The following PCDH7 variants were observed in gnomAD, a reference collection of about 807,000 sequenced individuals.
PCDH7 encodes protocadherin 7, also known as protocadherin-7.
Under a neutral mutation model 58.9 loss-of-function variants are expected in PCDH7, and 17 were observed. The ratio of observed to expected loss-of-function variants is 0.29; its 90% confidence interval spans 0.20 to 0.43. The LOEUF is 0.43. Ranked by LOEUF, PCDH7 falls within the 20% of genes least tolerant of loss-of-function variation. PCDH7 has a pLI of 1.00. For synonymous variants in PCDH7, 664 were observed against 616.4 expected (o/e 1.08, Z -1.14); for missense variants, 1,274 against 1,441.0 (o/e 0.88, Z 1.88).
chr4:30,970,456 G>C (rs185663714), intron 3 of PCDH7, among the ~76,000 whole-genome samples: 1 of 140,626 alleles, frequency 7.1e-6, no homozygotes, highest in African/African-American at 2.9e-5. Context: ...CACCACGCCT[G>C]GCTAATTTTT....
chr4:30,860,003 G>A (rs1733995262), intron 1 of PCDH7, among the ~76,000 whole-genome samples: 1 of 152,096 alleles, frequency 6.6e-6, no homozygotes, highest in East Asian at 1.9e-4. Context: ...TTTCATTGGT[G>A]GGGAAATTCC....
At chr4:30,874,020 G>T (rs1449207443) in intron 1 of PCDH7, among the ~76,000 whole-genome samples, 4 of 152,020 alleles carry the variant, frequency 2.6e-5, no homozygotes, top group Non-Finnish European at 5.9e-5. Flanking sequence ...AAATTGAATG[G>T]CAATCATTAA....
intron 1 of PCDH7, among the ~76,000 whole-genome samples, chr4:30,812,901 A>G (rs1456907490): frequency 6.6e-6 from 1 of 152,250 alleles, no homozygotes; most frequent in Non-Finnish European, 1.5e-5. Flanking sequence ...ACTGTCATAA[A>G]TATAATCAGG....
chr4:30,903,541 G>A (rs1452597518), intron 1 of PCDH7, among the ~76,000 whole-genome samples: 1 of 151,872 alleles, frequency 6.6e-6, no homozygotes, highest in Non-Finnish European at 1.5e-5. Context: ...CATTTATAGA[G>A]CACTCTACAG....
intron 1 of PCDH7, among the ~76,000 whole-genome samples, chr4:30,884,228 G>A (rs948459314): frequency 6.6e-6 from 1 of 152,072 alleles, no homozygotes; most frequent in Non-Finnish European, 1.5e-5. Flanking sequence ...CAGCATCTAT[G>A]TGTGGTAGGC....
intron 3 of PCDH7, among the ~76,000 whole-genome samples, chr4:30,975,941 G>A (rs980620100): frequency 2.0e-5 from 3 of 152,016 alleles, no homozygotes; most frequent in Non-Finnish European, 4.4e-5. Flanking sequence ...GTAAATCCTT[G>A]CCTGCTCAGG....
chr4:30,938,804 A>G (rs1745675440), intron 2 of PCDH7, among the ~76,000 whole-genome samples: 1 of 152,110 alleles, frequency 6.6e-6, no homozygotes, highest in South Asian at 2.1e-4. Flanking sequence ...TTATTACTCA[A>G]CATGCCAACC....
intron 3 of PCDH7, among the ~76,000 whole-genome samples, chr4:31,109,950 A>G (rs893330045): frequency 6.6e-6 from 1 of 152,176 alleles, no homozygotes; most frequent in Non-Finnish European, 1.5e-5. Context: ...TACAGCATAA[A>G]CTGGTGTGAA....
At chr4:31,097,393 G>A (rs2109294594) in intron 3 of PCDH7, among the ~76,000 whole-genome samples, 2 of 151,210 alleles carry the variant, frequency 1.3e-5, no homozygotes, top group East Asian at 3.9e-4. Context: ...GGTGGAGGTT[G>A]CAGTGAGCTG....
intron 3 of PCDH7, among the ~76,000 whole-genome samples, chr4:31,100,707 T>G (rs1714785135): frequency 6.6e-6 from 1 of 152,318 alleles, no homozygotes; most frequent in Middle Eastern, 3.4e-3. Flanking sequence ...CTCTTTAGGA[T>G]TTTTTCCATT....
intron 1 of PCDH7, among the ~76,000 whole-genome samples, chr4:30,858,235 T>A (rs35894739): frequency 0.067 from 10,209 of 152,216 alleles, 478 homozygotes; most frequent in East Asian, 0.14. Context: ...TGAAAAAGTC[T>A]CTTTTTTTTC....
chr4:30,886,087 A>T (rs1157538013), intron 1 of PCDH7, among the ~76,000 whole-genome samples: 1 of 151,818 alleles, frequency 6.6e-6, no homozygotes, highest in Non-Finnish European at 1.5e-5. Context: ...CTAAAACACC[A>T]AAAGCAATGT....
rs1717957511 is a variant in PCDH7, at chr4:31,123,748, G to A, written c.*8-18725G>A. ...GCGTCCAGGAAGAACCAGGTCCCAC[G>A]AACAGATTGAAGGGTGGTGTATGCA... On this transcript the variant is annotated intron_variant, in intron 3 of 3. Transcript: ENST00000509759. Among the ~76,000 whole-genome samples the A allele has an allele frequency of 1.3e-5, 2 of 152,118 alleles. 1 individual carries two copies. The highest frequency in any genetic ancestry group is 4.1e-4 in the South Asian group (2 of 4,832).
intron 2 of PCDH7, among the ~76,000 whole-genome samples, chr4:30,928,281 A>G (rs901035974): frequency 1.3e-5 from 2 of 152,202 alleles, no homozygotes; most frequent in African/African-American, 4.8e-5. Flanking sequence ...ATTTTATCTC[A>G]ATATTCCTCT....
chr4:30,998,086 C>G (rs749994680), intron 3 of PCDH7, among the ~76,000 whole-genome samples: 6 of 152,122 alleles, frequency 3.9e-5, no homozygotes, highest in Non-Finnish European at 8.8e-5. Context: ...AAGAATATGA[C>G]TTTTGAAATA....
intron 1 of PCDH7, among the ~76,000 whole-genome samples, chr4:30,785,018 C>A (rs1723222872): frequency 6.6e-6 from 1 of 151,882 alleles, no homozygotes; most frequent in African/African-American, 2.4e-5. Context: ...ATTTTCAGGG[C>A]AACCAAACAT....
At chr4:30,806,584 G>A (rs1332566367) in intron 1 of PCDH7, among the ~76,000 whole-genome samples, 7 of 151,632 alleles carry the variant, frequency 4.6e-5, no homozygotes, top group African/African-American at 1.2e-4. Flanking sequence ...AATTACAGGC[G>A]TGAGCCACTG....
At chr4:30,911,319 C>A in intron 1 of PCDH7, among the ~76,000 whole-genome samples, 1 of 74,096 alleles carries the variant, frequency 1.3e-5, no homozygotes. Context: ...AAAAAAAAAT[C>A]ACCCCCCCCC....
chr4:30,910,481 C>T (rs997391960), intron 1 of PCDH7, among the ~76,000 whole-genome samples: 1 of 152,010 alleles, frequency 6.6e-6, no homozygotes, highest in African/African-American at 2.4e-5. Context: ...GAAAATGCAA[C>T]CCCGTTAAAA....
Sources: gnomAD v4.1 joint callset for allele counts (sites outside exome capture counted in the v4.1 genomes callset) on GRCh38, gnomAD v4.1.1 for gene constraint, MANE v1.5 for transcripts, NCBI Gene and HGNC (gene_info 2026-07-23, HGNC 2026-07-21) for gene names.